Variants in LRRC4C observed in about 807,000 individuals in gnomAD.
LRRC4C encodes leucine-rich repeat-containing protein 4C.
In LRRC4C, 5 loss-of-function variants were observed where a neutral mutation model predicts 33.6. That is an observed-to-expected ratio of 0.15 (90% CI 0.08 to 0.31). The LOEUF (loss-of-function observed/expected upper bound fraction) is 0.31. Among genes scored for constraint, LRRC4C ranks in the 10% least tolerant of loss-of-function variants. LRRC4C has a pLI of 1.00. For missense variants in LRRC4C, 560 were observed against 796.7 expected, an observed-to-expected ratio of 0.70 and a Z score of 3.58; for synonymous variants, 329 against 302.0, an observed-to-expected ratio of 1.09 and a Z score of -0.93.
intron 2 of LRRC4C, among the ~76,000 whole-genome samples, chr11:40,743,665 T>A (rs1212947573): frequency 2.6e-5 from 4 of 152,110 alleles, no homozygotes; most frequent in African/African-American, 9.7e-5. Flanking sequence ...CTAGTGAAAG[T>A]GAGACTTTTA....
chr11:41,455,731 T>C (rs1956153631), intron 1 of LRRC4C, among the ~76,000 whole-genome samples: 1 of 152,150 alleles, frequency 6.6e-6, no homozygotes, highest in South Asian at 2.1e-4. Context: ...TTTTCTACAA[T>C]ATTTCATCAT....
At chr11:41,197,464 G>A (rs879550137) in intron 1 of LRRC4C, among the ~76,000 whole-genome samples, 1 of 151,958 alleles carries the variant, frequency 6.6e-6, no homozygotes, top group Non-Finnish European at 1.5e-5. Flanking sequence ...ACACATCACT[G>A]TGTCCTGTTC....
intron 1 of LRRC4C, 57 bp from the exon 2 acceptor site, chr11:40,933,780 C>G (rs1177422596): frequency 1.3e-5 from 2 of 151,940 alleles, no homozygotes; most frequent in African/African-American, 4.9e-5. Context: ...TAGAAAATAG[C>G]CCAAGCAAAG....
chr11:40,369,923 G>A (rs1424142031), intron 3 of LRRC4C, among the ~76,000 whole-genome samples: 1 of 152,080 alleles, frequency 6.6e-6, no homozygotes, highest in Non-Finnish European at 1.5e-5. Context: ...AGCAAATAGA[G>A]CAAGAAAAAA....
intron 5 of LRRC4C, among the ~76,000 whole-genome samples, chr11:40,171,168 C>A (rs1330823868): frequency 6.6e-6 from 1 of 152,124 alleles, no homozygotes; most frequent in African/African-American, 2.4e-5. Context: ...AAAGGTATTT[C>A]AAGGATTGCT....
chr11:41,109,870 A>T (rs150239464), intron 1 of LRRC4C, among the ~76,000 whole-genome samples: 1 of 152,070 alleles, frequency 6.6e-6, no homozygotes, highest in African/African-American at 2.4e-5. Context: ...ACTTTCCTCA[A>T]CTTTAAGGTG....
chr11:40,556,072 C>A (rs1957322325), intron 3 of LRRC4C, among the ~76,000 whole-genome samples: 1 of 152,146 alleles, frequency 6.6e-6, no homozygotes. Flanking sequence ...CTAAAAATTG[C>A]AACCAACACA....
intron 3 of LRRC4C, among the ~76,000 whole-genome samples, chr11:40,440,650 A>G (rs1951351622): frequency 6.6e-6 from 1 of 152,170 alleles, no homozygotes; most frequent in Admixed American, 6.5e-5. Context: ...ATTGAGGGAC[A>G]TTATTTATTC....
At chr11:40,263,509 T>G (rs1485418284) in intron 4 of LRRC4C, among the ~76,000 whole-genome samples, 1 of 151,632 alleles carries the variant, frequency 6.6e-6, no homozygotes, top group African/African-American at 2.4e-5. Flanking sequence ...CACAATGTAG[T>G]GGTCCTATCC....
Position 40,620,691 on chromosome 11 carries a change from T to C in LRRC4C, c.-270+27451A>G, listed in dbSNP as rs190412603. Among the ~76,000 whole-genome samples, 463 of 151,952 alleles carry C rather than the reference T, an allele frequency of 3.0e-3. 5 individuals carry two copies. The highest frequency in any genetic ancestry group is 0.011 in the African/African-American group (441 of 41,508). On this transcript the variant is annotated intron_variant, in intron 3 of 6. Transcript: ENST00000528697. ...GAAGCCCCATTCAAGCTGCTACTTATTGTGTGTGCGGTTAAAAGTGTGTAT... is the reference window on the plus strand; with the variant it reads ...GAAGCCCCATTCAAGCTGCTACTTACTGTGTGTGCGGTTAAAAGTGTGTAT...
At position 40,979,529 on chromosome 11, in the gene LRRC4C, G is replaced by C. The variant is rs566400292; in HGVS notation, c.-495-45806C>G. Among the ~76,000 whole-genome samples the C allele has an allele frequency of 1.2e-4, 18 of 152,202 alleles. No homozygotes were observed. The South Asian group carries it at 3.5e-3, about 30-fold the overall frequency. Reference sequence around the variant, plus strand: ...ATTTCTTTCCCAGTGTAGGGAACTGGATAATTAATCACATCTATGAACATC... The same window carrying C: ...ATTTCTTTCCCAGTGTAGGGAACTGCATAATTAATCACATCTATGAACATC... On this transcript the variant is annotated intron_variant, in intron 1 of 6. Transcript: ENST00000528697.
At chr11:41,040,985 G>C (rs981967794) in intron 1 of LRRC4C, among the ~76,000 whole-genome samples, 1 of 151,762 alleles carries the variant, frequency 6.6e-6, no homozygotes, top group Non-Finnish European at 1.5e-5. Context: ...ACACCACCTG[G>C]GTTTAAAAAA....
chr11:40,938,855 T>A (rs1306701920), intron 1 of LRRC4C, among the ~76,000 whole-genome samples: 1 of 152,198 alleles, frequency 6.6e-6, no homozygotes, highest in African/African-American at 2.4e-5. Flanking sequence ...AATGTAATGG[T>A]TCTGTCTTGC....
chr11:41,160,006 A>C (rs141831711), intron 1 of LRRC4C, among the ~76,000 whole-genome samples: 1 of 152,212 alleles, frequency 6.6e-6, no homozygotes, highest in African/African-American at 2.4e-5. Context: ...AATATGCTTT[A>C]TAACAAAAGG....
chr11:41,268,437 A>T (rs1949220289), intron 1 of LRRC4C, among the ~76,000 whole-genome samples: 1 of 152,180 alleles, frequency 6.6e-6, no homozygotes, highest in South Asian at 2.1e-4. Context: ...CAATATTGTT[A>T]TGAAGTTATA....
At chr11:40,760,897 ATATAT>A (rs1162825031) in intron 2 of LRRC4C, among the ~76,000 whole-genome samples, 3 of 146,760 alleles carry the variant, frequency 2.0e-5, no homozygotes, top group Admixed American at 6.9e-5. Flanking sequence ...ATATATAAAT[ATATAT>A]TATATATTTT....
chr11:40,433,777 G>A (rs1951031845), intron 3 of LRRC4C, among the ~76,000 whole-genome samples: 1 of 152,150 alleles, frequency 6.6e-6, no homozygotes, highest in African/African-American at 2.4e-5. Flanking sequence ...TTAAAGTTTG[G>A]GAAGATGAGG....
At chr11:41,241,750 C>T (rs1020856762) in intron 1 of LRRC4C, among the ~76,000 whole-genome samples, 8 of 152,102 alleles carry the variant, frequency 5.3e-5, no homozygotes, top group African/African-American at 1.9e-4. Context: ...GTCCCTCTTT[C>T]GTCCTTTTAT....
chr11:41,283,227 T>C (rs948021576), intron 1 of LRRC4C, among the ~76,000 whole-genome samples: 8 of 152,234 alleles, frequency 5.3e-5, no homozygotes, highest in Non-Finnish European at 8.8e-5. Flanking sequence ...TTTGAGCAGA[T>C]GGTCTGGAAA....
Sources: allele counts gnomAD v4.1 joint callset (sites outside exome capture counted in the v4.1 genomes callset), GRCh38; gene constraint gnomAD v4.1.1; transcripts MANE v1.5; gene names NCBI Gene and HGNC (gene_info 2026-07-23, HGNC 2026-07-21).